NLGN1: variants seen among roughly 807,000 people sequenced by gnomAD.
The protein encoded by NLGN1 is neuroligin 1.
A neutral mutation model predicts 65.5 loss-of-function variants in NLGN1; 12 were observed. The ratio of observed to expected loss-of-function variants is 0.18; its 90% CI spans 0.12 to 0.30. NLGN1 has a LOEUF of 0.30. NLGN1 is among the 10% of genes least tolerant of loss of function. NLGN1 has a pLI of 1.00. For synonymous variants in NLGN1, 350 were observed against 359.5 expected (o/e 0.97, Z 0.30); for missense variants, 750 against 1,007.1 (o/e 0.74, Z 3.46).
At chr3:173,720,268 G>A (rs998730808) in intron 3 of NLGN1, among the ~76,000 whole-genome samples, 1 of 151,962 alleles carries the variant, frequency 6.6e-6, no homozygotes, top group African/African-American at 2.4e-5. Flanking sequence ...TAAATATTTT[G>A]AGGCGGGGGG....
At position 173,787,002 on chromosome 3, in the gene NLGN1, G is replaced by A. The variant is rs1782079217; in HGVS notation, c.494-20678G>A. Among the ~76,000 whole-genome samples, 5 of 151,992 alleles carry A rather than the reference G, an allele frequency of 3.3e-5. 1 individual carries two copies. Among genetic ancestry groups the A allele is most frequent in the Admixed American group, 1.3e-4 (2 of 15,272 alleles). ...TGAGGCAGGAGAATCACTTGAACCC[G>A]TGGGGCGGAGGTTGCAGTGAGCCGA... On this transcript the variant is annotated intron_variant, in intron 3 of 6. Transcript: ENST00000457714.
intron 4 of NLGN1, among the ~76,000 whole-genome samples, chr3:173,926,211 A>G (rs1742976566): frequency 6.6e-6 from 1 of 152,126 alleles, no homozygotes; most frequent in Non-Finnish European, 1.5e-5. Context: ...TGTATCAAAA[A>G]AGACTACCAC....
At chr3:174,124,198 T>C (rs1576995693) in intron 4 of NLGN1, among the ~76,000 whole-genome samples, 1 of 152,212 alleles carries the variant, frequency 6.6e-6, no homozygotes, top group East Asian at 1.9e-4. Flanking sequence ...TGTGTGAAAA[T>C]AATTTTTGTT....
intron 3 of NLGN1, among the ~76,000 whole-genome samples, chr3:173,792,027 G>C (rs768426836): frequency 4.6e-5 from 7 of 152,096 alleles, no homozygotes. Flanking sequence ...GGCAGAGAGA[G>C]AAAGGGGCAG....
At chr3:173,502,660 T>C (rs914443914) in intron 2 of NLGN1, among the ~76,000 whole-genome samples, 12 of 152,150 alleles carry the variant, frequency 7.9e-5, no homozygotes. Context: ...TGAAATTAGG[T>C]ACTACAAGAC....
intron 4 of NLGN1, among the ~76,000 whole-genome samples, chr3:173,878,640 T>TTA (rs1491350963): frequency 6.9e-6 from 1 of 144,536 alleles, no homozygotes; most frequent in Non-Finnish European, 1.5e-5. Context: ...ATATATATAC[T>TTA]TATATATGTG....
chr3:174,265,186 C>G (rs1747799270), intron 4 of NLGN1, among the ~76,000 whole-genome samples: 1 of 151,752 alleles, frequency 6.6e-6, no homozygotes, highest in African/African-American at 2.4e-5. Context: ...GGCAGGCCTC[C>G]TTGAGCTGTG....
intron 4 of NLGN1, among the ~76,000 whole-genome samples, chr3:174,194,454 A>C (rs888547462): frequency 6.6e-6 from 1 of 151,950 alleles, no homozygotes; most frequent in Admixed American, 6.6e-5. Flanking sequence ...TCTCAAAAAA[A>C]AAAAAGAAAA....
chr3:173,681,088 A>G (rs1577920460), intron 3 of NLGN1, among the ~76,000 whole-genome samples: 1 of 152,208 alleles, frequency 6.6e-6, no homozygotes, highest in East Asian at 1.9e-4. Flanking sequence ...TATCAAATGC[A>G]TGATGATTGG....
At chr3:174,275,559 T>C in intron 5 of NLGN1, 32 bp downstream of exon 5, 1 of 1,458,650 alleles carries the variant, frequency 6.9e-7, no homozygotes, top group Non-Finnish European at 9.6e-7. Flanking sequence ...TTTGACAATT[T>C]TGGTGTCTGC....
intron 4 of NLGN1, among the ~76,000 whole-genome samples, chr3:174,154,826 ATATAGAT>A (rs1725028025): frequency 1.6e-5 from 1 of 63,800 alleles, no homozygotes; most frequent in Non-Finnish European, 2.6e-5. Flanking sequence ...GTAGATAGAT[ATATAGAT>A]ATTGTAGATA....
At position 174,265,177 on chromosome 3, in the gene NLGN1, G is replaced by A. The variant is rs1747797434; in HGVS notation, c.647-10138G>A. On this transcript the variant is annotated intron_variant, in intron 4 of 6. Coordinates refer to ENST00000457714, the Ensembl canonical transcript of NLGN1. The stretch of plus-strand genomic sequence containing the variant: ...CCAGAGGTGGAGCCTACAGAGGCAG[G>A]CAGGCCTCCTTGAGCTGTGGTGGGC... Among the ~76,000 whole-genome samples, 11 of 151,828 alleles carry A rather than the reference G, an allele frequency of 7.2e-5. No individual in the cohort carries two copies. The South Asian group carries it at 2.3e-3, about 32-fold the overall frequency.
At chr3:174,123,803 C>T (rs992356239) in intron 4 of NLGN1, among the ~76,000 whole-genome samples, 12 of 152,148 alleles carry the variant, frequency 7.9e-5, no homozygotes, top group African/African-American at 1.9e-4. Context: ...CTAATCAACA[C>T]ATCTGTTCAG....
At chr3:173,820,882 T>G (rs1720158243) in intron 4 of NLGN1, among the ~76,000 whole-genome samples, 1 of 152,198 alleles carries the variant, frequency 6.6e-6, no homozygotes, top group Non-Finnish European at 1.5e-5. Context: ...CTTAATGTTG[T>G]TCATTTGTAA....
intron 3 of NLGN1, among the ~76,000 whole-genome samples, chr3:173,640,438 T>C (rs1443651280): frequency 1.3e-5 from 2 of 152,252 alleles, no homozygotes; most frequent in East Asian, 3.9e-4. Context: ...ATCTATCTAT[T>C]GACAACGTTT....
At chr3:173,933,219 G>A (rs934626593) in intron 4 of NLGN1, among the ~76,000 whole-genome samples, 22 of 152,074 alleles carry the variant, frequency 1.4e-4, no homozygotes, top group African/African-American at 4.3e-4. Flanking sequence ...GGGCACCTCC[G>A]GTGAAACACT....
chr3:173,427,699 T>C (rs780114601), intron 1 of NLGN1, among the ~76,000 whole-genome samples: 1 of 151,964 alleles, frequency 6.6e-6, no homozygotes, highest in Non-Finnish European at 1.5e-5. Context: ...TTCTACTCTT[T>C]TGAATTTGTT....
At chr3:173,657,630 A>G (rs1289934144) in intron 3 of NLGN1, among the ~76,000 whole-genome samples, 2 of 151,880 alleles carry the variant, frequency 1.3e-5, no homozygotes, top group African/African-American at 4.8e-5. Context: ...AACTTGGTTC[A>G]CACTCTTGTT....
chr3:174,100,829 A>G (rs140471609), intron 4 of NLGN1, among the ~76,000 whole-genome samples: 334 of 152,128 alleles, frequency 2.2e-3, no homozygotes, highest in African/African-American at 7.5e-3. Context: ...CTAGTTCACC[A>G]GAGAAAGTCT....
Sources: gnomAD v4.1 joint callset for allele counts (sites outside exome capture counted in the v4.1 genomes callset) on GRCh38, gnomAD v4.1.1 for gene constraint, MANE v1.5 for transcripts, NCBI Gene and HGNC (gene_info 2026-07-23, HGNC 2026-07-21) for gene names.